Variants in FLG2 observed in about 807,000 individuals in gnomAD.
FLG2 encodes filaggrin 2, also known as filaggrin-2.
In FLG2, 7 loss-of-function variants were observed where a neutral mutation model predicts 3.9. That is an observed-to-expected ratio of 1.79 (90% CI 1.02 to 3.36). The LOEUF is 3.36. Ranked by LOEUF, FLG2 falls within the 30% of genes most tolerant of loss-of-function variation. The pLI is 0.00. For missense variants in FLG2, 2,700 were observed against 2,809.4 expected, an observed-to-expected ratio of 0.96 and a Z score of 0.88; for synonymous variants, 1,031 against 1,056.1, an observed-to-expected ratio of 0.98 and a Z score of 0.46.
chr1:152,353,189 C>G lies in FLG2; in HGVS notation c.4597G>C (p.Glu1533Gln), dbSNP rs750118368. Residue 1533 changes from glutamate to glutamine, a missense_variant, in exon 3 of 3, where the codon GAA becomes CAA. Glu to Gln is a conservative substitution (Grantham distance 29). Transcript: ENST00000388718. ...CTGTGTCTGTCATGAATTATGGATT[C>G]TGACTCTCCATGTTGAGATCCACTT... ...GQSGSQHGES[E>Q]SIIHDRHRIT... The G allele has an allele frequency of 3.1e-6, 5 of 1,613,750 alleles. No individual in the cohort carries two copies. In the African/African-American group the frequency reaches 6.7e-5, roughly 22 times the overall value.
rs1237744656 is a variant in FLG2, at chr1:152,352,373, C to T, written c.5413G>A (p.Glu1805Lys). The T allele has an allele frequency of 6.2e-7, 1 of 1,613,804 alleles. No individual in the cohort carries two copies. The highest frequency in any genetic ancestry group is 1.3e-5 in the African/African-American group (1 of 74,906). Residue 1805 changes from glutamate to lysine, a missense_variant, in exon 3 of 3, where the codon GAG becomes AAG. Coordinates refer to ENST00000388718, the MANE Select transcript of FLG2 (RefSeq NM_001014342.3). ...TTGRRSSGHS[E>K]YSDSEGHSGF... Reference sequence around the variant, plus strand: ...GAGTGCCCTTCACTGTCACTGTACTCACTGTGGCCAGATGACCTTCTTCCA... The same window carrying T: ...GAGTGCCCTTCACTGTCACTGTACTTACTGTGGCCAGATGACCTTCTTCCA...
chr1:152,357,236 A>G lies in FLG2; in HGVS notation c.550T>C (p.Ser184Pro), dbSNP rs767524577. The change falls in exon 3 of 3, where the codon TCC becomes CCC. Residue 184 changes from serine to proline, a missense_variant. Ser to Pro is a moderately conservative substitution (Grantham distance 74). Transcript: ENST00000388718. ...CCACTCCATGAATGACCACAGCTGG[A>G]CCTGTGGTATCTTTTCTGAGATCCC... Reference protein sequence around the residue: ...QEGSQKRYHRSSCGHSWSGGK... With the variant: ...QEGSQKRYHRPSCGHSWSGGK... The G allele has an allele frequency of 1.9e-5, 31 of 1,614,122 alleles. No homozygotes were observed. The highest frequency in any genetic ancestry group is 2.5e-5 in the Non-Finnish European group (30 of 1,180,022).
In FLG2 at chr1:152,354,240, A is replaced by G. The variant is rs148481767; in HGVS notation, c.3546T>C (p.His1182=). Residue 1182 remains histidine (H), a synonymous_variant, in exon 3 of 3, where the codon CAT becomes CAC. Transcript: ENST00000388718. Reference sequence around the variant, plus strand: ...TAGAGAAATTGTCTGAGCCAGACACATGCTGTCCAAAACTTGTGGTTGGAC... The same window carrying G: ...TAGAGAAATTGTCTGAGCCAGACACGTGCTGTCCAAAACTTGTGGTTGGAC... ...GSGPTTSFGQ[H]VSGSDNFSSS... The G allele has an allele frequency of 8.2e-5, 133 of 1,613,944 alleles. No individual in the cohort carries two copies. Among genetic ancestry groups the G allele is most frequent in the Non-Finnish European group, 1.0e-4 (120 of 1,179,956 alleles).
At position 152,351,824 on chromosome 1, in the gene FLG2, A is replaced by T. The variant is rs535751082; in HGVS notation, c.5962T>A (p.Ser1988Thr). ...GTTCCGTGTCTCTCATGAACTGAGG[A>T]TCCTGACTCTGGATAGTGAGATCCA... The part of the protein sequence containing the change: ...QAGSHYPESG[S>T]SVHERHGTTH... The change falls in exon 3 of 3, where the codon TCC (serine) becomes ACC (threonine). Residue 1988 changes from serine to threonine, a missense_variant. Ser to Thr is a moderately conservative substitution (Grantham distance 58). Transcript: ENST00000388718. The T allele has an allele frequency of 1.2e-6, 2 of 1,610,678 alleles. No individual in the cohort carries two copies. Among genetic ancestry groups the T allele is most frequent in the Non-Finnish European group, 1.7e-6 (2 of 1,179,590 alleles).
At position 152,354,426 on chromosome 1, in the gene FLG2, C is replaced by T. The variant is rs141939333; in HGVS notation, c.3360G>A (p.Ser1120=). 1,155 of 1,608,064 alleles carry T rather than the reference C, an allele frequency of 7.2e-4. No individual in the cohort carries two copies. The highest frequency in any genetic ancestry group is 8.7e-4 in the Non-Finnish European group (1,030 of 1,177,930). The change falls in exon 3 of 3, where the codon TCG becomes TCA. Residue 1120 remains serine, a synonymous_variant. Transcript: ENST00000388718. ...GQSSGFGQYG[S]GSGQSSGFGQ... ...CAAAGCCAGAAGACTGACCTGAGCC[C>T]GATCCATATTGGCCAAAGCCAGAGG...
At position 152,355,616 on chromosome 1, in the gene FLG2, A is replaced by C. The variant is rs757444215; in HGVS notation, c.2170T>G (p.Leu724Val). The change falls in exon 3 of 3, where the codon TTA (leucine) becomes GTA (valine). Residue 724 changes from leucine to valine, a missense_variant. By Grantham distance (32) the Leu-to-Val change is conservative. Coordinates refer to ENST00000388718, the MANE Select transcript of FLG2 (RefSeq NM_001014342.3). ...GQTSGFGQHE[L>V]SSGQSSSFGQ... ...AAGCTGGAAGACTGACCTGAGCTTA[A>C]CTCGTGTTGTCCAAATCCAGATGTC... The C allele has an allele frequency of 6.2e-7, 1 of 1,612,938 alleles. No homozygotes were observed. Among genetic ancestry groups the C allele is most frequent in the Admixed American group, 1.7e-5 (1 of 59,876 alleles).
In FLG2 at chr1:152,351,747, T is replaced by C. The variant is rs368870718; in HGVS notation, c.6039A>G (p.Gly2013=). 1.1e-5 allele frequency: 18 copies of C among 1,611,676 alleles called. No individual in the cohort carries two copies. Among genetic ancestry groups the C allele is most frequent in the South Asian group, 3.3e-5 (3 of 90,926 alleles). ...DTTRHGHSGH[G]QSTQRGSRTT... ...TCCTGGACCCTCTCTGTGTGGACTG[T>C]CCATGACCAGAGTGGCCATGTCTAG... The change falls in exon 3 of 3, where the codon GGA becomes GGG. Residue 2013 remains glycine, a synonymous_variant. Transcript: ENST00000388718.
In FLG2 at chr1:152,356,202, G is replaced by A; in HGVS notation, c.1584C>T (p.Ser528=). The change falls in exon 3 of 3, where the codon TCC becomes TCT. Residue 528 remains serine, a synonymous_variant. Transcript: ENST00000388718. Reference sequence around the variant, plus strand: ...TAGACTCATGTTGTCCAAAACCAGAGGATTGTCCTGAGACAGACCCATGCT... The same window carrying A: ...TAGACTCATGTTGTCCAAAACCAGAAGATTGTCCTGAGACAGACCCATGCT... ...FGQHGSVSGQ[S]SGFGQHESRS... The A allele has an allele frequency of 6.2e-7, 1 of 1,612,294 alleles. No homozygotes were observed. The highest frequency in any genetic ancestry group is 8.5e-7 in the Non-Finnish European group (1 of 1,179,498).
chr1:152,352,946 G>T lies in FLG2; in HGVS notation c.4840C>A (p.His1614Asn). ...CCATGAGTAGTTCCGTGTCTCTCAT[G>T]AACTGTGAATTCTGGCTCTTCATGT... ...SQHEEPEFTV[H>N]ERHGTTHGQI... The change falls in exon 3 of 3, where the codon CAT becomes AAT. Residue 1614 changes from histidine (H) to asparagine (N), a missense_variant. His to Asn is a moderately conservative substitution (Grantham distance 68). Coordinates refer to ENST00000388718, the MANE Select transcript of FLG2 (RefSeq NM_001014342.3). The T allele has an allele frequency of 1.2e-6, 2 of 1,613,538 alleles. No individual in the cohort carries two copies. Among genetic ancestry groups the T allele is most frequent in the Non-Finnish European group, 1.7e-6 (2 of 1,179,948 alleles).
rs1244774856 is a variant in FLG2 at position 152,350,845 on chromosome 1, T to G, written c.6941A>C (p.Gln2314Pro). The G allele has an allele frequency of 1.2e-6, 2 of 1,614,220 alleles. No homozygotes were observed. Among genetic ancestry groups the G allele is most frequent in the East Asian group, 4.5e-5 (2 of 44,880 alleles). The stretch of plus-strand genomic sequence containing the variant: ...AGATCTGGAACCTGTCTGTGTGGAT[T>G]GTCCATAACCAGAATGGCCATGTCT... ...TTRHGHSGYG[Q>P]STQTGSRSSR... is the part of the protein sequence containing the mutation. Residue 2314 changes from glutamine to proline, a missense_variant, in exon 3 of 3, where the codon CAA becomes CCA. Coordinates refer to ENST00000388718, the MANE Select transcript of FLG2 (RefSeq NM_001014342.3).
chr1:152,359,079 G>T (rs188785477), intron 1 of FLG2, among the ~76,000 whole-genome samples, 173 bp from the exon 2 acceptor site: 1 of 152,178 alleles, frequency 6.6e-6, no homozygotes, highest in Admixed American at 6.5e-5. Flanking sequence ...AATTAACTTT[G>T]TTAACTTTGA....
rs1654050467 is a variant in FLG2, at chr1:152,353,440, T to C, written c.4346A>G (p.Gln1449Arg). The C allele has an allele frequency of 6.2e-7, 1 of 1,612,476 alleles. No homozygotes were observed. Among genetic ancestry groups the C allele is most frequent in the Non-Finnish European group, 8.5e-7 (1 of 1,179,690 alleles). The change falls in exon 3 of 3, where the codon CAA (glutamine) becomes CGA (arginine). Residue 1449 changes from glutamine to arginine, a missense_variant. By Grantham distance (43) the Gln-to-Arg change is conservative. Coordinates refer to ENST00000388718, the MANE Select transcript of FLG2 (RefSeq NM_001014342.3). ...RPQSQEQTHG[Q>R]AGSQHGESGS... ...TGACTCTCCATGTTGAGATCCGGCT[T>C]GGCCATGAGTTTGTTCTTGTGATTG...
At position 152,353,764 on chromosome 1, in the gene FLG2, C is replaced by T. The variant is rs749324439; in HGVS notation, c.4022G>A (p.Gly1341Glu). Reference protein sequence around the residue: ...QSTQTGSRTSGRQRFSHSDAT... With the variant: ...QSTQTGSRTSERQRFSHSDAT... ...ATCACTGTGGCTAAATCTCTGTCTT[C>T]CAGATGTTCTGGAACCTGTCTGTGT... The change falls in exon 3 of 3, where the codon GGA becomes GAA. Residue 1341 changes from glycine (G) to glutamate (E), a missense_variant. Gly to Glu is a moderately conservative substitution (Grantham distance 98). Transcript: ENST00000388718. 2.5e-6 allele frequency: 4 copies of T among 1,614,150 alleles called. No individual in the cohort carries two copies. The highest frequency in any genetic ancestry group is 1.3e-5 in the African/African-American group (1 of 75,032).
chr1:152,358,858 G>C lies in FLG2; in HGVS notation c.27C>G (p.Val9=), dbSNP rs1254215295. 1 of 1,613,784 alleles carries C rather than the reference G, an allele frequency of 6.2e-7. No individual in the cohort carries two copies. Among genetic ancestry groups the C allele is most frequent in the Admixed American group, 1.7e-5 (1 of 59,972 alleles). ...ATTTGTAGAAAACATCAATTACGGT[G>C]ACAACACTTCTCAAGAGGTCGGTCA... The part of the protein sequence containing the change: MTDLLRSV[V]TVIDVFYKYT... The change falls in exon 2 of 3, where the codon GTC becomes GTG. Residue 9 remains valine, a synonymous_variant. Transcript: ENST00000388718.
At position 152,352,099 on chromosome 1, in the gene FLG2, T is replaced by A. The variant is rs754188834; in HGVS notation, c.5687A>T (p.His1896Leu). 6.2e-7 allele frequency: 1 copy of A among 1,613,278 alleles called. No homozygotes were observed. The highest frequency in any genetic ancestry group is 1.3e-5 in the African/African-American group (1 of 74,660). ...GGCTTGGCTGTGTGTGTGTCCTGAA[T>A]GTGTATGTGAGCCCCCTGAGTGCAC... ...SEVHSGGSHTHSGHTHSQARS... is the reference protein window; with the variant it reads ...SEVHSGGSHTLSGHTHSQARS... The change falls in exon 3 of 3, where the codon CAT (histidine) becomes CTT (leucine). Residue 1896 changes from histidine (H) to leucine (L), a missense_variant. Transcript: ENST00000388718.
At position 152,355,659 on chromosome 1, in the gene FLG2, A is replaced by G. The variant is rs1377673551; in HGVS notation, c.2127T>C (p.His709=). 1 of 1,613,358 alleles carries G rather than the reference A, an allele frequency of 6.2e-7. No individual in the cohort carries two copies. The highest frequency in any genetic ancestry group is 8.5e-7 in the Non-Finnish European group (1 of 1,179,966). Residue 709 remains histidine (H), a synonymous_variant, in exon 3 of 3, where the codon CAT becomes CAC. Coordinates refer to ENST00000388718, the MANE Select transcript of FLG2 (RefSeq NM_001014342.3). ...GSSQSSGYGQ[H]GSSSGQTSGF... ...CAGATGTCTGTCCTGAACTTGACCC[A>G]TGTTGACCATAGCCAGATGATTGAC...
rs752827657 is a variant in FLG2 at position 152,354,815 on chromosome 1, C to T, written c.2971G>A (p.Glu991Lys). The T allele has an allele frequency of 1.2e-6, 2 of 1,613,620 alleles. No homozygotes were observed. The highest frequency in any genetic ancestry group is 1.7e-6 in the Non-Finnish European group (2 of 1,179,938). Residue 991 changes from glutamate (E) to lysine (K), a missense_variant, in exon 3 of 3, where the codon GAG (glutamate) becomes AAG (lysine). Glu to Lys is a moderately conservative substitution (Grantham distance 56). Coordinates refer to ENST00000388718, the MANE Select transcript of FLG2 (RefSeq NM_001014342.3). Reference protein sequence around the residue: ...SGKSSGFGQHESRSSQSNYGQ... With the variant: ...SGKSSGFGQHKSRSSQSNYGQ... ...TAATTAGACTGACTTGATCTAGACT[C>T]ATGCTGTCCAAAGCCAGAGGATTTT...
rs773334303 is a variant in FLG2, at chr1:152,357,598, C to T, written c.188G>A (p.Arg63Gln). 13 of 1,613,876 alleles carry T rather than the reference C, an allele frequency of 8.1e-6. No homozygotes were observed. The highest frequency in any genetic ancestry group is 2.7e-5 in the African/African-American group (2 of 74,906). The part of the protein sequence containing the change: ...TVDVIMHMLD[R>Q]DHDRRLDFTE... ...AAAGTCCAATCTTCTGTCATGATCT[C>T]GATCCAGCATATGCATGATGACATC... Residue 63 changes from arginine (R) to glutamine (Q), a missense_variant, in exon 3 of 3, where the codon CGA (arginine) becomes CAA (glutamine). Arg to Gln is a conservative substitution (Grantham distance 43). Coordinates refer to ENST00000388718, the MANE Select transcript of FLG2 (RefSeq NM_001014342.3).
In FLG2 at chr1:152,350,504, C is replaced by T; in HGVS notation, c.*106G>A. 2.9e-6 allele frequency: 4 copies of T among 1,372,446 alleles called. No homozygotes were observed. The highest frequency in any genetic ancestry group is 3.9e-6 in the Non-Finnish European group (4 of 1,018,004). The allele number at this position is 1,372,446 out of a possible 1,614,324, so 85.0% of individuals were successfully genotyped here. A position where few individuals can be genotyped will look rare whatever the true frequency, so the allele number is the denominator to read the frequency against. ...ATAGGTCGAGACTGATACTGAGAAT[C>T]AACTGAATGTTCATAACTTACCATT... On this transcript the variant is annotated 3_prime_UTR_variant, in exon 3 of 3. Transcript: ENST00000388718.
Sources: allele counts gnomAD v4.1 joint callset (sites outside exome capture counted in the v4.1 genomes callset), GRCh38; gene constraint gnomAD v4.1.1; transcripts MANE v1.5; gene names NCBI Gene and HGNC (gene_info 2026-07-23, HGNC 2026-07-21).